The following SAMD5 variants were observed in gnomAD, a reference collection of about 807,000 sequenced individuals.
The protein encoded by SAMD5 is sterile alpha motif domain containing 5, also known as sterile alpha motif domain-containing protein 5.
In SAMD5, 13 loss-of-function variants were observed where a neutral mutation model predicts 11.3. The observed-to-expected ratio is 1.15, with a 90% CI of 0.75 to 1.83. The LOEUF is 1.83. SAMD5 is among the 40% of genes most tolerant of loss of function. The pLI, the probability that SAMD5 is intolerant of heterozygous loss-of-function variation, is 0.00. For synonymous variants in SAMD5, 129 were observed against 111.3 expected, an observed-to-expected ratio of 1.16 and a Z score of -1.00; for missense variants, 255 against 239.1, an observed-to-expected ratio of 1.07 and a Z score of -0.44.
intron 1 of SAMD5, among the ~76,000 whole-genome samples, chr6:147,551,126 G>A (rs1194105191): frequency 6.6e-6 from 1 of 152,154 alleles, no homozygotes; most frequent in East Asian, 1.9e-4. Flanking sequence ...CACTGACAGC[G>A]CCCTGGGGCA....
chr6:147,548,988 CTG>C (rs1184197299), intron 1 of SAMD5, among the ~76,000 whole-genome samples: 5 of 152,140 alleles, frequency 3.3e-5, no homozygotes, highest in Admixed American at 1.3e-4. Flanking sequence ...CTTTACAAAA[CTG>C]TGCATGGTTC....
At chr6:147,824,936 C>T in the SAMD5 span, among the ~76,000 whole-genome samples, 175 of 152,098 alleles carry the variant, frequency 1.2e-3, no homozygotes, top group South Asian at 3.3e-3. Flanking sequence ...TTATTAATTT[C>T]GTTTTGAACT....
chr6:147,660,659 CG>C (rs1790635317), intron 1 of SAMD5: 1 of 152,132 alleles, frequency 6.6e-6, no homozygotes, highest in Non-Finnish European at 1.5e-5. Flanking sequence ...AGTTCTCAGG[CG>C]ATCTGGATCT....
At chr6:147,901,847 A>G in the SAMD5 span, among the ~76,000 whole-genome samples, 1 of 152,162 alleles carries the variant, frequency 6.6e-6, no homozygotes, top group Non-Finnish European at 1.5e-5. Flanking sequence ...CTTACACTCC[A>G]TTAGGAATCC....
At chr6:147,799,645 A>G in the SAMD5 span, among the ~76,000 whole-genome samples, 2 of 151,226 alleles carry the variant, frequency 1.3e-5, no homozygotes, top group African/African-American at 4.9e-5. Flanking sequence ...ATTCTCCAGG[A>G]TAATATCCTG....
intron 1 of SAMD5, among the ~76,000 whole-genome samples, chr6:147,610,261 T>C (rs1789762826): frequency 6.6e-6 from 1 of 152,182 alleles, no homozygotes; most frequent in African/African-American, 2.4e-5. Context: ...ATTTAGTCTG[T>C]TGCAGTTCCT....
Position 147,566,375 on chromosome 6 carries a change from A to G in SAMD5, c.*1919A>G. The G allele has an allele frequency of 1.0e-6, 1 of 984,858 alleles. No individual in the cohort carries two copies. The highest frequency in any genetic ancestry group is 1.2e-6 in the Non-Finnish European group (1 of 829,100). 61.0% of individuals were successfully genotyped at this position (984,858 alleles called of 1,614,324 possible). On this transcript the variant is annotated 3_prime_UTR_variant, in exon 2 of 2. Coordinates refer to ENST00000367474, the MANE Select transcript of SAMD5 (RefSeq NM_001030060.3). ...AGGGGAGTCTGTATAGATTACAGATATAATTTATTGTGATAACAAATGGCT... is the reference window on the plus strand; with the variant it reads ...AGGGGAGTCTGTATAGATTACAGATGTAATTTATTGTGATAACAAATGGCT...
intron 1 of SAMD5, among the ~76,000 whole-genome samples, chr6:147,683,946 A>G (rs1281931105): frequency 6.6e-6 from 1 of 152,166 alleles, no homozygotes; most frequent in Non-Finnish European, 1.5e-5. Context: ...CTTTGCTTTA[A>G]TTTTTCAAAC....
intron 1 of SAMD5, among the ~76,000 whole-genome samples, chr6:147,536,546 C>T (rs1165785043): frequency 6.6e-6 from 1 of 151,014 alleles, no homozygotes; most frequent in Non-Finnish European, 1.5e-5. Flanking sequence ...TTTTTTAATT[C>T]CAGTAGCACA....
chr6:147,628,409 C>G (rs1256815596), intron 1 of SAMD5, among the ~76,000 whole-genome samples: 2 of 152,096 alleles, frequency 1.3e-5, no homozygotes, highest in African/African-American at 2.4e-5. Context: ...TAGTATAAGA[C>G]AGACTCTTAA....
At chr6:147,608,658 T>C (rs1438855680) in intron 1 of SAMD5, among the ~76,000 whole-genome samples, 3 of 151,914 alleles carry the variant, frequency 2.0e-5, no homozygotes, top group Non-Finnish European at 2.9e-5. Context: ...GTAGTAGGGG[T>C]TGCAGGGAAG....
the SAMD5 span, among the ~76,000 whole-genome samples, chr6:147,781,772 G>GCACACACACA: frequency 4.1e-5 from 6 of 146,270 alleles, no homozygotes; most frequent in Non-Finnish European, 6.0e-5. Context: ...ATTTGTGTGC[G>GCACACACACA]CACACACACA....
chr6:147,945,142 G>A, the SAMD5 span, among the ~76,000 whole-genome samples: 2 of 152,100 alleles, frequency 1.3e-5, no homozygotes, highest in South Asian at 4.1e-4. Flanking sequence ...TTTCTAGAAT[G>A]TTCCCTGAAC....
rs4052655 is a variant in SAMD5, at chr6:147,731,652, CA to C, written c.163-5646del. Among the ~76,000 whole-genome samples, 119 of 90,100 alleles carry C rather than the reference CA, an allele frequency of 1.3e-3. 1 individual carries two copies. Among genetic ancestry groups the C allele is most frequent in the South Asian group, 6.1e-3 (15 of 2,478 alleles). 59.1% of individuals were successfully genotyped at this position (90,100 alleles called of 152,430 possible). A position where few individuals can be genotyped will look rare whatever the true frequency, so the allele number is the denominator to read the frequency against. Reference sequence around the variant, plus strand: ...CCCTCTCTTTTCTCTCTGGCCACTACAAAAAAAAAAAAAAAAAAATCCTGAA... The same window carrying C: ...CCCTCTCTTTTCTCTCTGGCCACTACAAAAAAAAAAAAAAAAAATCCTGAA... On this transcript the variant is annotated intron_variant, in intron 1 of 1. Coordinates refer to the SAMD5 transcript ENST00000566741.
At chr6:147,699,133 G>A (rs1791218349) in intron 1 of SAMD5, among the ~76,000 whole-genome samples, 1 of 152,128 alleles carries the variant, frequency 6.6e-6, no homozygotes, top group African/African-American at 2.4e-5. Context: ...ACAACTCCCA[G>A]TGGAATCTTG....
At chr6:147,606,978 A>AAAAAAAAAAC (rs397708065) in intron 1 of SAMD5, among the ~76,000 whole-genome samples, 4,506 of 146,982 alleles carry the variant, frequency 0.031, 104 homozygotes, top group African/African-American at 0.073. Context: ...AAAAAAAAAA[A>AAAAAAAAAAC]CAGAAAGAGA....
In SAMD5 at chr6:147,637,080, C is replaced by G. The variant is rs111622425; in HGVS notation, c.163-100237C>G. On this transcript the variant is annotated intron_variant, in intron 1 of 1. Coordinates refer to the SAMD5 transcript ENST00000566741. ...GGCTGAGGTCTGGGTGCTGGAAGCCCGTGGAGCTCACATGGGTTCACACGG... is the reference window on the plus strand; with the variant it reads ...GGCTGAGGTCTGGGTGCTGGAAGCCGGTGGAGCTCACATGGGTTCACACGG... 1.3e-3 allele frequency among the ~76,000 whole-genome samples: 194 copies of G among 152,218 alleles called. 1 individual carries two copies. Among genetic ancestry groups the G allele is most frequent in the Middle Eastern group, 3.4e-3 (1 of 294 alleles).
the SAMD5 span, among the ~76,000 whole-genome samples, chr6:147,818,583 C>A: frequency 5.9e-5 from 9 of 152,140 alleles, no homozygotes; most frequent in Non-Finnish European, 1.2e-4. Flanking sequence ...CTGGCAAATG[C>A]CCACATGCAT....
the SAMD5 span, among the ~76,000 whole-genome samples, chr6:147,852,516 C>T: frequency 2.4e-3 from 359 of 152,002 alleles, 4 homozygotes; most frequent in African/African-American, 8.0e-3. Flanking sequence ...AATTTTCTAT[C>T]TAAAAAAAAG....
Sources: gnomAD v4.1 joint callset for allele counts (sites outside exome capture counted in the v4.1 genomes callset) on GRCh38, gnomAD v4.1.1 for gene constraint, MANE v1.5 for transcripts, NCBI Gene and HGNC (gene_info 2026-07-23, HGNC 2026-07-21) for gene names.